DNAJC15: variants seen among roughly 807,000 people sequenced by gnomAD.
DNAJC15 encodes DnaJ heat shock protein family (Hsp40) member C15.
In DNAJC15, 27 loss-of-function variants were observed where a neutral mutation model predicts 22.4. The ratio of observed to expected loss-of-function variants is 1.20; its 90% CI spans 0.89 to 1.66. The LOEUF is 1.66. Ranked by LOEUF, DNAJC15 falls within the 40% of genes most tolerant of loss-of-function variation. The pLI is 0.00. For synonymous variants in DNAJC15, 79 were observed against 63.2 expected, an observed-to-expected ratio of 1.25 and a Z score of -1.19; for missense variants, 208 against 187.1, an observed-to-expected ratio of 1.11 and a Z score of -0.65.
At chr13:43,082,504 A>G (rs1050704185) in intron 4 of DNAJC15, among the ~76,000 whole-genome samples, 1 of 152,208 alleles carries the variant, frequency 6.6e-6, no homozygotes, top group African/African-American at 2.4e-5. Flanking sequence ...GCAAAGCAGA[A>G]TAGGTCTCAT....
intron 1 of DNAJC15, among the ~76,000 whole-genome samples, chr13:43,032,022 G>T (rs1185839942): frequency 6.6e-6 from 1 of 152,226 alleles, no homozygotes; most frequent in East Asian, 1.9e-4. Flanking sequence ...AGAGCTGTAG[G>T]GCCAAAGGGA....
intron 3 of DNAJC15, among the ~76,000 whole-genome samples, chr13:43,070,219 C>CA (rs1322163837): frequency 2.0e-5 from 3 of 151,840 alleles, no homozygotes; most frequent in Admixed American, 6.6e-5. Context: ...AACTTAGATT[C>CA]AAAAAAACAG....
At chr13:43,100,457 C>T (rs2040762701) in intron 5 of DNAJC15, among the ~76,000 whole-genome samples, 8 of 151,938 alleles carry the variant, frequency 5.3e-5, no homozygotes, top group Admixed American at 4.6e-4. Context: ...GTGATCCGTG[C>T]CCCCCTCACC....
chr13:43,102,180 A>G (rs1566218245), intron 5 of DNAJC15, among the ~76,000 whole-genome samples: 1 of 152,056 alleles, frequency 6.6e-6, no homozygotes, highest in Non-Finnish European at 1.5e-5. Context: ...CCTGATAATT[A>G]GTGATATTGA....
intron 3 of DNAJC15, among the ~76,000 whole-genome samples, chr13:43,069,472 T>G (rs766703641): frequency 2.6e-5 from 4 of 152,150 alleles, no homozygotes; most frequent in Non-Finnish European, 5.9e-5. Flanking sequence ...AACATAAAAT[T>G]ATGAGATTTC....
intron 4 of DNAJC15, among the ~76,000 whole-genome samples, chr13:43,085,064 C>G (rs912441): frequency 0.55 from 84,109 of 151,908 alleles, 23,581 homozygotes; most frequent in African/African-American, 0.66. Context: ...GCAATACTGG[C>G]ATTAAAATCC....
At chr13:43,045,021 C>T (rs1013629427) in intron 1 of DNAJC15, among the ~76,000 whole-genome samples, 16 of 148,866 alleles carry the variant, frequency 1.1e-4, no homozygotes, top group African/African-American at 3.6e-4. Flanking sequence ...CTGTATCACT[C>T]GGAGAAAAGC....
intron 4 of DNAJC15, among the ~76,000 whole-genome samples, chr13:43,081,627 A>G (rs888007958): frequency 2.0e-5 from 3 of 151,816 alleles, no homozygotes; most frequent in African/African-American, 4.8e-5. Flanking sequence ...TTTAGTAGAG[A>G]CGGGGTTTCA....
chr13:43,081,682 C>T lies in DNAJC15; in HGVS notation c.311+2994C>T, dbSNP rs561467098. 5.8e-4 allele frequency among the ~76,000 whole-genome samples: 88 copies of T among 152,130 alleles called. 2 individuals carry two copies. The South Asian group carries it at 0.011, about 19-fold the overall frequency. On this transcript the variant is annotated intron_variant, in intron 4 of 5. Transcript: ENST00000379221. ...TCGATCTCCTGACTTTGTGATCCGC[C>T]TGCCTCAGCCTCTCAAAGTGCTGGG...
chr13:43,045,273 G>C (rs2040471065), intron 1 of DNAJC15, among the ~76,000 whole-genome samples: 1 of 151,962 alleles, frequency 6.6e-6, no homozygotes, highest in Admixed American at 6.6e-5. Flanking sequence ...ATTTTTTTCA[G>C]TGAAGCTTGC....
At chr13:43,088,851 T>A (rs2153441720) in intron 5 of DNAJC15, among the ~76,000 whole-genome samples, 1 of 152,114 alleles carries the variant, frequency 6.6e-6, no homozygotes, top group Non-Finnish European at 1.5e-5. Context: ...TTTTTTTTTT[T>A]TTTGATAGAT....
intron 1 of DNAJC15, among the ~76,000 whole-genome samples, chr13:43,047,593 ATT>A (rs2040484239): frequency 6.6e-6 from 1 of 152,182 alleles, no homozygotes; most frequent in Admixed American, 6.5e-5. Context: ...GGATACAGGT[ATT>A]TGTATCTTAA....
chr13:43,113,463 C>G lies in DNAJC15; in HGVS notation c.*6215C>G, dbSNP rs1040145284. The G allele has an allele frequency of 6.6e-6, 1 of 152,126 alleles. No individual in the cohort carries two copies. Among genetic ancestry groups the G allele is most frequent in the Non-Finnish European group, 1.5e-5 (1 of 68,010 alleles). 9.4% of individuals were successfully genotyped at this position (152,126 alleles called of 1,614,324 possible). On this transcript the variant is annotated 3_prime_UTR_variant, in exon 6 of 6. Coordinates refer to ENST00000379221, the MANE Select transcript of DNAJC15 (RefSeq NM_013238.3). ...GGTGGAGTCAATGGAACTTTAGTTA[C>G]CAGTCTAAGAATGTGTCTTTGAGAT... is the stretch of plus-strand genomic sequence containing the variant.
intron 1 of DNAJC15, among the ~76,000 whole-genome samples, chr13:43,062,675 C>G (rs577933794): frequency 6.6e-6 from 1 of 152,130 alleles, no homozygotes; most frequent in Non-Finnish European, 1.5e-5. Context: ...AAAAATGTTG[C>G]AATACTTAAT....
chr13:43,086,020 A>C (rs1425321258), intron 5 of DNAJC15, among the ~76,000 whole-genome samples, 182 bp downstream of exon 5: 1 of 152,182 alleles, frequency 6.6e-6, no homozygotes, highest in Non-Finnish European at 1.5e-5. Context: ...TAGTGGATTT[A>C]TATTATCTGC....
intron 5 of DNAJC15, among the ~76,000 whole-genome samples, chr13:43,087,614 T>C (rs2040695542): frequency 6.6e-6 from 1 of 152,224 alleles, no homozygotes; most frequent in Non-Finnish European, 1.5e-5. Context: ...CTGGGTATTA[T>C]AGGTAGTTGG....
At chr13:43,036,823 C>T (rs1593310071) in intron 1 of DNAJC15, among the ~76,000 whole-genome samples, 2 of 152,258 alleles carry the variant, frequency 1.3e-5, no homozygotes, top group South Asian at 4.1e-4. Context: ...ATGTCATCAC[C>T]GCTCTTAGTG....
chr13:43,037,146 C>T (rs2040432831), intron 1 of DNAJC15, among the ~76,000 whole-genome samples: 1 of 152,232 alleles, frequency 6.6e-6, no homozygotes, highest in South Asian at 2.1e-4. Flanking sequence ...GTGGGGGCCG[C>T]TCCAGACGGG....
chr13:43,048,874 GT>G (rs1182407841), intron 1 of DNAJC15, among the ~76,000 whole-genome samples: 1 of 151,870 alleles, frequency 6.6e-6, no homozygotes, highest in Non-Finnish European at 1.5e-5. Context: ...CCTAGAAAAT[GT>G]TAGCTACTTT....
Sources: allele counts gnomAD v4.1 joint callset (sites outside exome capture counted in the v4.1 genomes callset), GRCh38; gene constraint gnomAD v4.1.1; transcripts MANE v1.5; gene names NCBI Gene and HGNC (gene_info 2026-07-23, HGNC 2026-07-21).